Variants in RORA observed in about 807,000 individuals in gnomAD.
RORA encodes the protein nuclear receptor ROR-alpha.
A neutral mutation model predicts 69.5 loss-of-function variants in RORA; 7 were observed. The ratio of observed to expected loss-of-function variants is 0.10; its 90% CI spans 0.06 to 0.19. The LOEUF (loss-of-function observed/expected upper bound fraction) is 0.19. Among genes scored for constraint, RORA ranks in the 10% least tolerant of loss-of-function variants. RORA has a pLI of 1.00. For missense variants in RORA, 457 were observed against 663.0 expected, an observed-to-expected ratio of 0.69 and a Z score of 3.41; for synonymous variants, 261 against 240.8, an observed-to-expected ratio of 1.08 and a Z score of -0.78.
At chr15:61,215,938 A>C (rs2080036874) in intron 1 of RORA, among the ~76,000 whole-genome samples, 1 of 152,204 alleles carries the variant, frequency 6.6e-6, no homozygotes, top group African/African-American at 2.4e-5. Context: ...TTACTACCGC[A>C]TATTAGAATC....
At chr15:61,206,641 T>C (rs944154951) in intron 1 of RORA, among the ~76,000 whole-genome samples, 1 of 152,112 alleles carries the variant, frequency 6.6e-6, no homozygotes, top group Non-Finnish European at 1.5e-5. Context: ...TCCTTCCCGA[T>C]GGAGAGAAGA....
At chr15:61,223,720 G>A (rs1010035061) in intron 1 of RORA, among the ~76,000 whole-genome samples, 1 of 152,066 alleles carries the variant, frequency 6.6e-6, no homozygotes, top group East Asian at 1.9e-4. Context: ...AGTAGGAAAC[G>A]GGACTAGTAC....
At chr15:60,527,894 C>T (rs1026482042) in intron 3 of RORA, among the ~76,000 whole-genome samples, 2 of 152,108 alleles carry the variant, frequency 1.3e-5, no homozygotes, top group African/African-American at 2.4e-5. Context: ...CTCTGCCATT[C>T]CTTGTTCTCC....
intron 2 of RORA, among the ~76,000 whole-genome samples, chr15:60,599,694 G>T (rs1203036248): frequency 6.6e-6 from 1 of 152,230 alleles, no homozygotes; most frequent in Non-Finnish European, 1.5e-5. Context: ...AATGTAGGTT[G>T]TAGCTATTTC....
intron 1 of RORA, among the ~76,000 whole-genome samples, chr15:61,193,484 G>C (rs1319013515): frequency 6.6e-6 from 1 of 152,148 alleles, no homozygotes; most frequent in African/African-American, 2.4e-5. Flanking sequence ...CCTGTGAATA[G>C]AGAAAAGCCA....
chr15:61,060,275 T>C (rs921365295), intron 1 of RORA, among the ~76,000 whole-genome samples: 2 of 152,204 alleles, frequency 1.3e-5, no homozygotes, highest in African/African-American at 4.8e-5. Context: ...AGTGCGTGCC[T>C]GGCAAACATG....
chr15:61,050,967 G>A (rs1298045195), intron 1 of RORA, among the ~76,000 whole-genome samples: 1 of 152,172 alleles, frequency 6.6e-6, no homozygotes, highest in Admixed American at 6.5e-5. Flanking sequence ...TGCTGCTTAG[G>A]GGCAGCATAT....
At chr15:61,094,842 C>A (rs570751814) in intron 1 of RORA, among the ~76,000 whole-genome samples, 2 of 152,284 alleles carry the variant, frequency 1.3e-5, no homozygotes, top group South Asian at 2.1e-4. Context: ...GATACATGGG[C>A]ATATGCCTCA....
At chr15:60,973,862 G>A (rs1404879160) in intron 1 of RORA, among the ~76,000 whole-genome samples, 1 of 152,224 alleles carries the variant, frequency 6.6e-6, no homozygotes, top group Admixed American at 6.5e-5. Flanking sequence ...ATTAGGCCCA[G>A]CCATGGGGCT....
chr15:60,526,398 C>G (rs1183260474), intron 3 of RORA, among the ~76,000 whole-genome samples: 1 of 152,320 alleles, frequency 6.6e-6, no homozygotes, highest in East Asian at 1.9e-4. Context: ...GTGTCAGGGC[C>G]CTATCTACAA....
At chr15:60,678,407 C>T in intron 2 of RORA, 1 of 402,444 alleles carries the variant, frequency 2.5e-6, no homozygotes, top group Non-Finnish European at 4.5e-6. Context: ...CATGATTTTT[C>T]TAAAGCTTCA....
intron 1 of RORA, among the ~76,000 whole-genome samples, chr15:60,732,025 A>G (rs2071436348): frequency 6.6e-6 from 1 of 152,162 alleles, no homozygotes; most frequent in African/African-American, 2.4e-5. Flanking sequence ...AGCCTCTTAG[A>G]GGCTGAGTTG....
intron 1 of RORA, among the ~76,000 whole-genome samples, chr15:60,863,490 C>T (rs2073453809): frequency 6.6e-6 from 1 of 152,176 alleles, no homozygotes. Context: ...AGCACTCAAA[C>T]ACATTCTTAT....
rs533598270 is a variant in RORA at position 60,611,559 on chromosome 15, CAAAAAAAAAAAAAAAA to C, written c.196+67082_196+67097del. ...TTACCTCAAACAATCTTGAGTTTTG[CAAAAAAAAAAAAAAAA>C]AAAAAAAAAAAAAAGGTGGAGTCTT... is the stretch of plus-strand genomic sequence containing the variant. On this transcript the variant is annotated intron_variant, in intron 2 of 10. Transcript: ENST00000335670. 8.4e-4 allele frequency among the ~76,000 whole-genome samples: 30 copies of C among 35,820 alleles called. 2 individuals carry two copies. Among genetic ancestry groups the C allele is most frequent in the South Asian group, 4.1e-3 (2 of 492 alleles). 23.5% of individuals were successfully genotyped at this position (35,820 alleles called of 152,430 possible).
At chr15:60,812,473 G>A (rs2072757943) in intron 1 of RORA, among the ~76,000 whole-genome samples, 2 of 152,156 alleles carry the variant, frequency 1.3e-5, no homozygotes. Context: ...TCATGCCACT[G>A]CACTCCAGCC....
intron 2 of RORA, among the ~76,000 whole-genome samples, chr15:60,574,158 C>T (rs1225084814): frequency 1.3e-5 from 2 of 152,176 alleles, no homozygotes; most frequent in Non-Finnish European, 2.9e-5. Context: ...GTCTGGCAGA[C>T]TCAGCCCCCA....
intron 1 of RORA, among the ~76,000 whole-genome samples, chr15:60,812,332 C>T (rs917386088): frequency 2.6e-5 from 4 of 151,994 alleles, no homozygotes; most frequent in Non-Finnish European, 5.9e-5. Context: ...ACTGAGACCC[C>T]ATCTCTACAA....
At chr15:60,809,995 G>C (rs2072719543) in intron 1 of RORA, among the ~76,000 whole-genome samples, 1 of 152,104 alleles carries the variant, frequency 6.6e-6, no homozygotes, top group African/African-American at 2.4e-5. Flanking sequence ...CTGGGCTGCT[G>C]TAAGGCTGTT....
chr15:60,631,325 C>T (rs926749207), intron 2 of RORA, among the ~76,000 whole-genome samples: 2 of 152,148 alleles, frequency 1.3e-5, no homozygotes, highest in Middle Eastern at 3.2e-3. Context: ...TCACAGTTTT[C>T]CCCCTCATAT....
Sources: allele counts gnomAD v4.1 joint callset (sites outside exome capture counted in the v4.1 genomes callset), GRCh38; gene constraint gnomAD v4.1.1; transcripts MANE v1.5; gene names NCBI Gene and HGNC (gene_info 2026-07-23, HGNC 2026-07-21).